Variants in GALNT13 observed in about 807,000 individuals in gnomAD.
GALNT13 encodes the protein UDP-GalNAc:polypeptide N-acetylgalactosaminyltransferase 13.
GALNT13 carries 28 observed loss-of-function variants against 64.2 expected under a neutral mutation model. The observed-to-expected ratio is 0.44, with a 90% CI of 0.32 to 0.60. The LOEUF (loss-of-function observed/expected upper bound fraction) is 0.60, where lower values mean the gene tolerates loss of function less well. Among genes scored for constraint, GALNT13 ranks in the 20% least tolerant of loss-of-function variants. The probability of loss-of-function intolerance (pLI) is 0.05; values close to 1 mark genes in which losing one functional copy is unlikely to be tolerated. For synonymous variants in GALNT13, 214 were observed against 224.6 expected (o/e 0.95, Z 0.42); for missense variants, 577 against 669.8 (o/e 0.86, Z 1.53).
At chr2:154,316,293 C>T (rs1399980832) in intron 9 of GALNT13, among the ~76,000 whole-genome samples, 1 of 152,104 alleles carries the variant, frequency 6.6e-6, no homozygotes, top group Admixed American at 6.6e-5. Context: ...CTTAGTGTAA[C>T]ATCTGTCGTT....
At chr2:154,442,147 A>G (rs1701328381) in intron 12 of GALNT13, among the ~76,000 whole-genome samples, 1 of 152,144 alleles carries the variant, frequency 6.6e-6, no homozygotes, top group Non-Finnish European at 1.5e-5. Flanking sequence ...TTGAACTAAA[A>G]TTTCTCATTT....
the GALNT13 span, among the ~76,000 whole-genome samples, chr2:153,352,613 C>T: frequency 6.6e-6 from 1 of 152,020 alleles, no homozygotes; most frequent in East Asian, 1.9e-4. Flanking sequence ...TTCTGTGATC[C>T]TTTTGAGTTA....
At chr2:153,504,235 T>C in the GALNT13 span, among the ~76,000 whole-genome samples, 1 of 152,246 alleles carries the variant, frequency 6.6e-6, no homozygotes, top group African/African-American at 2.4e-5. Context: ...ATTAATTTTG[T>C]ATCCTGAAAC....
At chr2:153,689,920 C>T in the GALNT13 span, among the ~76,000 whole-genome samples, 20 of 151,890 alleles carry the variant, frequency 1.3e-4, no homozygotes, top group Admixed American at 1.2e-3. Context: ...TTGTCTTATT[C>T]CCTCTCTCTT....
At chr2:153,271,621 A>G in the GALNT13 span, among the ~76,000 whole-genome samples, 1 of 152,194 alleles carries the variant, frequency 6.6e-6, no homozygotes, top group Non-Finnish European at 1.5e-5. Context: ...AGGAGACAAC[A>G]CAAACAAATG....
At chr2:153,562,930 G>A in the GALNT13 span, among the ~76,000 whole-genome samples, 2 of 151,974 alleles carry the variant, frequency 1.3e-5, no homozygotes, top group African/African-American at 2.4e-5. Context: ...TCTCAGTTGC[G>A]TGATGTACCT....
At chr2:154,124,880 A>G (rs1682164906) in intron 3 of GALNT13, among the ~76,000 whole-genome samples, 1 of 152,122 alleles carries the variant, frequency 6.6e-6, no homozygotes, top group Non-Finnish European at 1.5e-5. Context: ...TTGCTGTAGA[A>G]CAAATAATGA....
chr2:153,787,347 G>A, the GALNT13 span, among the ~76,000 whole-genome samples: 1 of 152,116 alleles, frequency 6.6e-6, no homozygotes, highest in African/African-American at 2.4e-5. Flanking sequence ...TACCTCACTA[G>A]CATAACCCCC....
the GALNT13 span, among the ~76,000 whole-genome samples, chr2:153,813,112 T>G: frequency 6.6e-6 from 1 of 152,176 alleles, no homozygotes; most frequent in East Asian, 1.9e-4. Flanking sequence ...ATTTCTCACT[T>G]AGGTTTGAGA....
At chr2:154,023,570 T>C (rs1697700601) in intron 3 of GALNT13, among the ~76,000 whole-genome samples, 1 of 152,222 alleles carries the variant, frequency 6.6e-6, no homozygotes, top group South Asian at 2.1e-4. Flanking sequence ...CATCCTTTTA[T>C]TTTGAGCCTA....
intron 9 of GALNT13, among the ~76,000 whole-genome samples, chr2:154,304,955 A>G (rs1693649622): frequency 6.6e-6 from 1 of 152,186 alleles, no homozygotes; most frequent in African/African-American, 2.4e-5. Context: ...TAGTGTGGGC[A>G]GAGGGAGGAA....
At chr2:153,649,401 T>C in the GALNT13 span, among the ~76,000 whole-genome samples, 4 of 151,188 alleles carry the variant, frequency 2.6e-5, no homozygotes, top group South Asian at 2.1e-4. Flanking sequence ...TTTGTTGATC[T>C]TTTCAAAAAA....
intron 12 of GALNT13, chr2:154,446,898 C>T: frequency 1.2e-6 from 1 of 862,062 alleles, no homozygotes; most frequent in Non-Finnish European, 1.6e-6. Context: ...AACTCTCTGT[C>T]TTTTACTTCC....
At chr2:153,342,176 T>C in the GALNT13 span, among the ~76,000 whole-genome samples, 2 of 152,220 alleles carry the variant, frequency 1.3e-5, no homozygotes, top group Non-Finnish European at 2.9e-5. Flanking sequence ...TTATTGCCTC[T>C]AGATAATGCT....
At chr2:153,185,371 G>C in the GALNT13 span, among the ~76,000 whole-genome samples, 1 of 152,024 alleles carries the variant, frequency 6.6e-6, no homozygotes, top group African/African-American at 2.4e-5. Context: ...AGTCTACCTA[G>C]TGGTCCATCT....
the GALNT13 span, among the ~76,000 whole-genome samples, chr2:153,410,399 A>C: frequency 1.3e-5 from 2 of 152,180 alleles, no homozygotes. Context: ...CCCAGCTGGA[A>C]ATGCTTTTGA....
the GALNT13 span, among the ~76,000 whole-genome samples, chr2:153,662,790 G>A: frequency 1.3e-4 from 20 of 152,254 alleles, no homozygotes; most frequent in African/African-American, 4.6e-4. Flanking sequence ...TGCTTAGAAA[G>A]TACTTACAAA....
the GALNT13 span, among the ~76,000 whole-genome samples, chr2:153,372,217 C>G: frequency 6.6e-6 from 1 of 152,150 alleles, no homozygotes; most frequent in East Asian, 1.9e-4. Context: ...TTTACTTAAC[C>G]TCTTATGTTT....
chr2:154,339,786 AT>A (rs1213530976), intron 9 of GALNT13, among the ~76,000 whole-genome samples: 1 of 152,022 alleles, frequency 6.6e-6, no homozygotes, highest in African/African-American at 2.4e-5. Flanking sequence ...TTGATAATCA[AT>A]TTTGGTTCCT....
Sources: allele counts gnomAD v4.1 joint callset (sites outside exome capture counted in the v4.1 genomes callset), GRCh38; gene constraint gnomAD v4.1.1; transcripts MANE v1.5; gene names NCBI Gene and HGNC (gene_info 2026-07-23, HGNC 2026-07-21).